The following DTNA variants were observed in gnomAD, a reference collection of about 807,000 sequenced individuals.
DTNA encodes dystrobrevin alpha.
A neutral mutation model predicts 100.7 loss-of-function variants in DTNA; 43 were observed. The observed-to-expected ratio is 0.43, with a 90% CI of 0.33 to 0.55. The LOEUF is 0.55. Ranked by LOEUF, DTNA falls within the 20% of genes least tolerant of loss-of-function variation. DTNA has a pLI of 0.04. For synonymous variants in DTNA, 349 were observed against 347.9 expected (o/e 1.00, Z -0.04); for missense variants, 798 against 953.9 (o/e 0.84, Z 2.15).
intron 17 of DTNA, among the ~76,000 whole-genome samples, chr18:34,871,810 G>A (rs547086528): frequency 6.6e-6 from 1 of 152,374 alleles, no homozygotes; most frequent in East Asian, 1.9e-4. Context: ...GTCCTGACAT[G>A]GAGAGGTGGG....
rs1014369780 is a variant in DTNA, at chr18:34,649,782, A to G, written c.-1-106194A>G. Among the ~76,000 whole-genome samples, 3 of 152,254 alleles carry G rather than the reference A, an allele frequency of 2.0e-5. No individual in the cohort carries two copies. The South Asian group carries it at 6.2e-4, about 32-fold the overall frequency. On this transcript the variant is annotated intron_variant, in intron 1 of 19. Transcript: ENST00000283365. The stretch of plus-strand genomic sequence containing the variant: ...ATTCTGTTTTAAGATTTTTTCAAAG[A>G]TCTTTTAAAATTATTTCTTTATTTT...
chr18:34,796,883 G>A (rs1019139175), intron 4 of DTNA, among the ~76,000 whole-genome samples: 2 of 152,098 alleles, frequency 1.3e-5, no homozygotes, highest in African/African-American at 4.8e-5. Context: ...GTACTTCTGA[G>A]AGCCAGACTT....
At chr18:34,503,279 ATTTTTTTTTTTTTTT>A (rs869258771) in intron 1 of DTNA, among the ~76,000 whole-genome samples, 1 of 62,042 alleles carries the variant, frequency 1.6e-5, no homozygotes, top group African/African-American at 6.7e-5. Flanking sequence ...TAATTGGCTC[ATTTTTTTTTTTTTTT>A]TTTTTTTTTT....
At chr18:34,703,027 C>T (rs1214197055) in intron 1 of DTNA, among the ~76,000 whole-genome samples, 1 of 152,118 alleles carries the variant, frequency 6.6e-6, no homozygotes, top group African/African-American at 2.4e-5. Flanking sequence ...CTGAGGATGT[C>T]ATAAAGTCTG....
chr18:34,493,776 C>G (rs2038817108), intron 1 of DTNA: 1 of 148,830 alleles, frequency 6.7e-6, no homozygotes, highest in Non-Finnish European at 1.5e-5. Flanking sequence ...CGCCGCGCAC[C>G]GAGCAAAGTC....
upstream of DTNA, among the ~76,000 whole-genome samples, chr18:34,706,603 A>G (rs1390542905): frequency 6.6e-6 from 1 of 152,206 alleles, no homozygotes; most frequent in Non-Finnish European, 1.5e-5. Context: ...ATATGGAGCC[A>G]TCAATTTCAT....
chr18:34,812,540 C>T (rs772943228), intron 6 of DTNA, among the ~76,000 whole-genome samples: 3 of 152,076 alleles, frequency 2.0e-5, no homozygotes, highest in African/African-American at 4.8e-5. Context: ...CTTCACATGG[C>T]GACAGGAAAG....
At chr18:34,531,451 A>G (rs537946853) in intron 1 of DTNA, among the ~76,000 whole-genome samples, 6 of 152,272 alleles carry the variant, frequency 3.9e-5, no homozygotes, top group African/African-American at 1.2e-4. Context: ...ATTTAAAACT[A>G]TCTCATAAGT....
intron 1 of DTNA, among the ~76,000 whole-genome samples, chr18:34,576,838 G>A (rs2048158743): frequency 6.6e-6 from 1 of 152,046 alleles, no homozygotes; most frequent in Non-Finnish European, 1.5e-5. Flanking sequence ...AGGCTGCAAG[G>A]GACAAACAGC....
At chr18:34,853,289 C>T (rs547159112) in intron 15 of DTNA, among the ~76,000 whole-genome samples, 1 of 152,268 alleles carries the variant, frequency 6.6e-6, no homozygotes, top group South Asian at 2.1e-4. Context: ...CCATGCTTAA[C>T]CCCATTCTTA....
upstream of DTNA, among the ~76,000 whole-genome samples, chr18:34,707,438 G>A (rs1446684341): frequency 1.3e-5 from 2 of 152,142 alleles, no homozygotes; most frequent in Admixed American, 6.6e-5. Flanking sequence ...AAAACTTTGT[G>A]AAACCAAATA....
chr18:34,562,917 G>A (rs2730109), intron 1 of DTNA, among the ~76,000 whole-genome samples: 13,935 of 152,216 alleles, frequency 0.092, 645 homozygotes, highest in South Asian at 0.11. Context: ...AGGGAAAAAC[G>A]ATGTAATGAG....
At chr18:34,590,768 G>A (rs966915613) in intron 1 of DTNA, among the ~76,000 whole-genome samples, 17 of 152,138 alleles carry the variant, frequency 1.1e-4, no homozygotes, top group African/African-American at 4.1e-4. Context: ...TCTCACATTA[G>A]TGCTTATGAA....
chr18:34,744,393 T>C (rs2147853558), intron 1 of DTNA, among the ~76,000 whole-genome samples: 1 of 152,254 alleles, frequency 6.6e-6, no homozygotes, highest in African/African-American at 2.4e-5. Flanking sequence ...ATGGATATCA[T>C]GATTGTTAGG....
chr18:34,520,743 C>A (rs1275261020), intron 1 of DTNA, among the ~76,000 whole-genome samples: 1 of 152,110 alleles, frequency 6.6e-6, no homozygotes, highest in East Asian at 1.9e-4. Context: ...TTATCTCAGG[C>A]CTCTTGAAGT....
intron 1 of DTNA, among the ~76,000 whole-genome samples, chr18:34,604,220 C>G (rs1405265096): frequency 2.0e-5 from 3 of 152,102 alleles, no homozygotes; most frequent in Non-Finnish European, 2.9e-5. Context: ...GAAGATAATC[C>G]TGCTTTTCAT....
intron 1 of DTNA, among the ~76,000 whole-genome samples, chr18:34,729,549 A>T (rs183312883): frequency 6.6e-6 from 1 of 152,358 alleles, no homozygotes; most frequent in Non-Finnish European, 1.5e-5. Context: ...TGACTGAGGT[A>T]AAATGTTGTA....
rs57616989 is a variant in DTNA at position 34,517,460 on chromosome 18, C to CATGTGTGTGTGTGTGTGTGTGT, written c.-2+23946_-2+23947insATGTGTGTGTGTGTGTGTGTGT. On this transcript the variant is annotated intron_variant, in intron 1 of 19. Transcript: ENST00000283365. The stretch of plus-strand genomic sequence containing the variant: ...TCAGATTTAATAAGTTTTATATACA[C>CATGTGTGTGTGTGTGTGTGTGT]GTGTGTGTGTGTGTGTGTGTGTGTG... 1.6e-4 allele frequency among the ~76,000 whole-genome samples: 24 copies of CATGTGTGTGTGTGTGTGTGTGT among 148,998 alleles called. No homozygotes were observed. The South Asian group carries it at 3.7e-3, about 23-fold the overall frequency.
In DTNA at chr18:34,570,288, G is replaced by A. The variant is rs187691660; in HGVS notation, c.-2+76774G>A. Among the ~76,000 whole-genome samples the A allele has an allele frequency of 7.2e-5, 11 of 152,280 alleles. No individual in the cohort carries two copies. In the East Asian group the frequency reaches 9.6e-4, roughly 13 times the overall value. ...TGCATTGTAGGCACTCAATAAAAGT[G>A]ATGGATAAATGAGGTAATAAGTTGC... On this transcript the variant is annotated intron_variant, in intron 1 of 19. Coordinates refer to the DTNA transcript ENST00000283365.
Sources: allele counts gnomAD v4.1 joint callset (sites outside exome capture counted in the v4.1 genomes callset), GRCh38; gene constraint gnomAD v4.1.1; transcripts MANE v1.5; gene names NCBI Gene and HGNC (gene_info 2026-07-23, HGNC 2026-07-21).